Variants in ZC3H12D observed in about 807,000 individuals in gnomAD.
ZC3H12D encodes zinc finger CCCH-type containing 12D.
A neutral mutation model predicts 24.2 loss-of-function variants in ZC3H12D; 11 were observed. The ratio of observed to expected loss-of-function variants is 0.46; its 90% CI spans 0.29 to 0.75. The LOEUF (loss-of-function observed/expected upper bound fraction) is 0.75. Ranked by LOEUF, ZC3H12D falls within the 30% of genes least tolerant of loss-of-function variation. The probability of loss-of-function intolerance (pLI) is 0.11; values close to 1 mark genes in which losing one functional copy is unlikely to be tolerated. For missense variants in ZC3H12D, 740 were observed against 767.7 expected (o/e 0.96, Z 0.43); for synonymous variants, 333 against 341.8 (o/e 0.97, Z 0.28).
At chr6:149,481,295 G>A (rs901376198) in intron 1 of ZC3H12D, among the ~76,000 whole-genome samples, 11 of 151,674 alleles carry the variant, frequency 7.3e-5, no homozygotes, top group African/African-American at 1.7e-4. Flanking sequence ...AAGAAAAGAG[G>A]GTGAGAACTA....
In ZC3H12D at chr6:149,465,879, A is replaced by G. The variant is rs566656225; in HGVS notation, c.306-3909T>C. 2.0e-5 allele frequency among the ~76,000 whole-genome samples: 3 copies of G among 151,754 alleles called. No individual in the cohort carries two copies. In the East Asian group the frequency reaches 5.8e-4, roughly 30 times the overall value. On this transcript the variant is annotated intron_variant, in intron 2 of 5. Coordinates refer to ENST00000409806, the MANE Select transcript of ZC3H12D (RefSeq NM_207360.3). ...CACCCCACCCCCCAATTCCAGCTCCACCCAGCCCAACCATAGGGGAGGGGG... is the reference window on the plus strand; with the variant it reads ...CACCCCACCCCCCAATTCCAGCTCCGCCCAGCCCAACCATAGGGGAGGGGG...
intron 1 of ZC3H12D, among the ~76,000 whole-genome samples, chr6:149,475,011 G>A (rs1776313460): frequency 6.6e-6 from 1 of 152,102 alleles, no homozygotes; most frequent in Non-Finnish European, 1.5e-5. Flanking sequence ...ACTATATTTA[G>A]AGCTATGACC....
rs923159503 is a variant in ZC3H12D at position 149,450,677 on chromosome 6, G to A, written c.*6C>T. ...GGGCCATTCCCTGCAAGTGCGTGTT[G>A]GTCCCTTAGGGCTTGCCCAGGGGCG... On this transcript the variant is annotated 3_prime_UTR_variant, in exon 6 of 6. Transcript: ENST00000409806. 2.0e-6 allele frequency: 3 copies of A among 1,513,408 alleles called. No homozygotes were observed. The African/African-American group carries it at 4.1e-5, about 21-fold the overall frequency. The allele number at this position is 1,513,408 out of a possible 1,614,324, so 93.7% of individuals were successfully genotyped here.
intron 3 of ZC3H12D, among the ~76,000 whole-genome samples, chr6:149,458,807 A>T (rs974692242): frequency 6.6e-6 from 1 of 152,076 alleles, no homozygotes; most frequent in Non-Finnish European, 1.5e-5. Context: ...ATGGCCTCCT[A>T]TTGTGGTTTT....
chr6:149,457,989 G>A (rs186759780), intron 3 of ZC3H12D, among the ~76,000 whole-genome samples: 7 of 152,080 alleles, frequency 4.6e-5, no homozygotes, highest in Admixed American at 2.6e-4. Flanking sequence ...CTCAGTCTGC[G>A]ATCCTCTCCA....
At chr6:149,453,330 C>T (rs890815040) in intron 4 of ZC3H12D, among the ~76,000 whole-genome samples, 3 of 151,290 alleles carry the variant, frequency 2.0e-5, no homozygotes, top group African/African-American at 4.9e-5. Context: ...CTCCGAGCTT[C>T]GCGCAAGACC....
At position 149,447,246 on chromosome 6, in the gene ZC3H12D, C is replaced by CT. The variant is rs758429398; in HGVS notation, c.*3436dup. ...ACAACCTCAGTCTTCTTCACGCCTA[C>CT]TTTTTTTTGTTTTTTGAGACAGAGT... On this transcript the variant is annotated 3_prime_UTR_variant, in exon 6 of 6. Coordinates refer to ENST00000409806, the MANE Select transcript of ZC3H12D (RefSeq NM_207360.3). 2.0e-5 allele frequency: 3 copies of CT among 152,092 alleles called. No homozygotes were observed. Among genetic ancestry groups the CT allele is most frequent in the East Asian group, 1.9e-4 (1 of 5,180 alleles). The allele number at this position is 152,092 out of a possible 1,614,324, so 9.4% of individuals were successfully genotyped here. A position where few individuals can be genotyped will look rare whatever the true frequency, so the allele number is the denominator to read the frequency against.
intron 4 of ZC3H12D, among the ~76,000 whole-genome samples, chr6:149,454,002 G>A (rs1775940948): frequency 6.6e-6 from 1 of 152,234 alleles, no homozygotes; most frequent in East Asian, 1.9e-4. Flanking sequence ...ACCTCCAGGC[G>A]AAGAGATTCA....
intron 3 of ZC3H12D, chr6:149,459,744 G>A: frequency 1.4e-6 from 1 of 716,296 alleles, no homozygotes; most frequent in Admixed American, 2.0e-5. Flanking sequence ...TGACCTCCTA[G>A]AATAAAACCA....
intron 2 of ZC3H12D, among the ~76,000 whole-genome samples, chr6:149,464,529 G>A (rs1026217880): frequency 3.9e-5 from 6 of 152,058 alleles, no homozygotes; most frequent in African/African-American, 9.7e-5. Flanking sequence ...TCCCTCTCAC[G>A]AGCTCTCACT....
chr6:149,459,691 T>C (rs771793361), intron 3 of ZC3H12D: 11 of 717,738 alleles, frequency 1.5e-5, no homozygotes, highest in African/African-American at 7.0e-5. Flanking sequence ...ATAAAGAAAG[T>C]GAAGCTACAA....
Position 149,446,975 on chromosome 6 carries a change from G to C in ZC3H12D, c.*3708C>G, listed in dbSNP as rs1271833218. On this transcript the variant is annotated 3_prime_UTR_variant, in exon 6 of 6. Transcript: ENST00000409806. ...ACAGCCTCTGGTTTGATCAGTCGAGGAGAGCTCTGCTGCATGTTTGAACAA... is the reference window on the plus strand; with the variant it reads ...ACAGCCTCTGGTTTGATCAGTCGAGCAGAGCTCTGCTGCATGTTTGAACAA... 1 of 152,274 alleles carries C rather than the reference G, an allele frequency of 6.6e-6. No homozygotes were observed. Among genetic ancestry groups the C allele is most frequent in the Non-Finnish European group, 1.5e-5 (1 of 68,066 alleles). The allele number at this position is 152,274 out of a possible 1,614,324, so 9.4% of individuals were successfully genotyped here. A position where few individuals can be genotyped will look rare whatever the true frequency, so the allele number is the denominator to read the frequency against.
intron 4 of ZC3H12D, among the ~76,000 whole-genome samples, chr6:149,453,043 G>C (rs1775925772): frequency 6.6e-6 from 1 of 151,540 alleles, no homozygotes; most frequent in Non-Finnish European, 1.5e-5. Context: ...CCAACACTTT[G>C]GGAAGCTGAG....
chr6:149,456,534 G>C lies in ZC3H12D; in HGVS notation c.680+132C>G, dbSNP rs1775982028. 1 of 745,196 alleles carries C rather than the reference G, an allele frequency of 1.3e-6. No individual in the cohort carries two copies. The highest frequency in any genetic ancestry group is 1.8e-5 in the African/African-American group (1 of 56,902). 46.2% of individuals were successfully genotyped at this position (745,196 alleles called of 1,614,324 possible). A position where few individuals can be genotyped will look rare whatever the true frequency, so the allele number is the denominator to read the frequency against. On this transcript the variant is annotated intron_variant, in intron 4 of 5. Transcript: ENST00000409806. This position sits in a 1 kb window ranked among gnomAD's most constrained non-coding sequence, Gnocchi z 4.3. ...GCCCGCCGAGAATGCGGACCTGGGG[G>C]AGCTCTGTCTGAGGGGCTGGGTGAC... is the stretch of plus-strand genomic sequence containing the variant.
intron 1 of ZC3H12D, among the ~76,000 whole-genome samples, chr6:149,477,031 T>G (rs1028779802): frequency 2.0e-5 from 3 of 152,246 alleles, no homozygotes; most frequent in African/African-American, 7.2e-5. Context: ...TGTTTTCCAT[T>G]TTTCACTGTT....
Position 149,472,486 on chromosome 6 carries a change from G to A in ZC3H12D, c.305+1753C>T, listed in dbSNP as rs865788231. Reference sequence around the variant, plus strand: ...CGTAGTGAGTCTGAGTAAGGGTTTCGATGTATAACCCGCACAGATTGAACA... The same window carrying A: ...CGTAGTGAGTCTGAGTAAGGGTTTCAATGTATAACCCGCACAGATTGAACA... On this transcript the variant is annotated intron_variant, in intron 2 of 5. Transcript: ENST00000409806. Among the ~76,000 whole-genome samples the A allele has an allele frequency of 8.0e-5, 12 of 150,490 alleles. No individual in the cohort carries two copies. In the South Asian group the frequency reaches 1.7e-3, roughly 21 times the overall value.
intron 3 of ZC3H12D, among the ~76,000 whole-genome samples, chr6:149,458,070 A>T (rs943196748): frequency 2.9e-4 from 44 of 150,208 alleles, no homozygotes; most frequent in African/African-American, 1.1e-3. Context: ...TTTTATTTTT[A>T]AAAATGCAGA....
Position 149,456,985 on chromosome 6 carries a change from C to T in ZC3H12D, c.446-85G>A. On this transcript the variant is annotated intron_variant, in intron 3 of 5. Transcript: ENST00000409806. This position sits in a 1 kb window ranked among gnomAD's most constrained non-coding sequence, Gnocchi z 4.3. The stretch of plus-strand genomic sequence containing the variant: ...CCCCCAACGCGAGGCCACCCGCTTC[C>T]CGGGCCGGTCAGATGAGGTTTTGAG... The T allele has an allele frequency of 7.3e-7, 1 of 1,362,374 alleles. No individual in the cohort carries two copies. Among genetic ancestry groups the T allele is most frequent in the Non-Finnish European group, 1.0e-6 (1 of 997,800 alleles). 84.4% of individuals were successfully genotyped at this position (1,362,374 alleles called of 1,614,324 possible).
intron 3 of ZC3H12D, among the ~76,000 whole-genome samples, chr6:149,457,620 G>A (rs1248519513): frequency 6.6e-6 from 1 of 152,184 alleles, no homozygotes; most frequent in Admixed American, 6.5e-5. Context: ...TCTGTGAGTG[G>A]ACTGAGCTCA....
Sources: gnomAD v4.1 joint callset for allele counts (sites outside exome capture counted in the v4.1 genomes callset) on GRCh38, gnomAD v4.1.1 for gene constraint, Gnocchi (gnomAD v3.1) non-coding constraint, MANE v1.5 for transcripts, NCBI Gene and HGNC (gene_info 2026-07-23, HGNC 2026-07-21) for gene names.